The following FAM114A2 variants were observed in gnomAD, a reference collection of about 807,000 sequenced individuals.
FAM114A2 encodes the protein family with sequence similarity 114 member A2.
FAM114A2 carries 53 observed loss-of-function variants against 58.4 expected under a neutral mutation model. That is an observed-to-expected ratio of 0.91 (90% CI 0.73 to 1.14). The LOEUF (loss-of-function observed/expected upper bound fraction) is 1.14. Among genes scored for constraint, FAM114A2 ranks in the 50% most tolerant of loss-of-function variants. FAM114A2 has a pLI of 0.00. For missense variants in FAM114A2, 601 were observed against 581.1 expected, an observed-to-expected ratio of 1.03 and a Z score of -0.35; for synonymous variants, 228 against 211.4, an observed-to-expected ratio of 1.08 and a Z score of -0.68.
At chr5:154,028,854 G>A (rs371587830) in intron 5 of FAM114A2, among the ~76,000 whole-genome samples, 1 of 152,240 alleles carries the variant, frequency 6.6e-6, no homozygotes, top group Admixed American at 6.5e-5. Flanking sequence ...TGCAGGAGAG[G>A]GGGAGAGCAG....
At chr5:154,034,215 G>A in intron 3 of FAM114A2, 63 bp downstream of exon 3, 2 of 988,610 alleles carry the variant, frequency 2.0e-6, no homozygotes, top group Non-Finnish European at 1.5e-6. Context: ...CAAGTCATAT[G>A]CAATGCAGAT....
Position 154,034,282 on chromosome 5 carries a change from T to G in FAM114A2, c.306A>C (p.Thr102=). Residue 102 remains threonine, a synonymous_variant, in exon 3 of 14, where the codon ACA becomes ACC. Coordinates refer to ENST00000351797, the MANE Select transcript of FAM114A2 (RefSeq NM_018691.4). The part of the protein sequence containing the change: ...ILSSASATVA[T]VGQGISNVIE... The stretch of plus-strand genomic sequence containing the variant: ...CTAAATGACTGATGATCTTACCTAC[T>G]GTAGCTACTGTAGCCGAGGCTGAGG... 6.4e-7 allele frequency: 1 copy of G among 1,566,522 alleles called. No homozygotes were observed.
intron 11 of FAM114A2, among the ~76,000 whole-genome samples, chr5:153,998,715 T>C (rs1191518475): frequency 2.0e-5 from 3 of 152,218 alleles, no homozygotes; most frequent in Admixed American, 2.0e-4. Flanking sequence ...TCAGATATTC[T>C]GTTACAGTAA....
chr5:154,027,175 C>T lies in FAM114A2; in HGVS notation c.789+1G>A. 6.2e-7 allele frequency: 1 copy of T among 1,607,076 alleles called. No individual in the cohort carries two copies. Among genetic ancestry groups the T allele is most frequent in the Non-Finnish European group, 8.5e-7 (1 of 1,177,800 alleles). ...CAGTTGAGATTTTGGCTTGGAATTA[C>T]CTTTATTTCACTTTCTTGGGAAAGC... On this transcript the variant is annotated splice_donor_variant, in intron 7 of 13. Coordinates refer to ENST00000351797, the MANE Select transcript of FAM114A2 (RefSeq NM_018691.4). LOFTEE classifies it high-confidence loss of function.
intron 11 of FAM114A2, among the ~76,000 whole-genome samples, chr5:153,998,501 G>T (rs1769735177): frequency 6.6e-6 from 1 of 152,294 alleles, no homozygotes; most frequent in South Asian, 2.1e-4. Context: ...AGGTCCCAGA[G>T]AACACGTAGT....
intron 9 of FAM114A2, among the ~76,000 whole-genome samples, chr5:154,003,858 T>C (rs988341785): frequency 6.6e-6 from 1 of 152,246 alleles, no homozygotes; most frequent in African/African-American, 2.4e-5. Context: ...AGTATTTCAT[T>C]TTATATACAG....
chr5:154,030,518 A>G (rs1264491918), intron 4 of FAM114A2, among the ~76,000 whole-genome samples: 2 of 152,222 alleles, frequency 1.3e-5, no homozygotes, highest in Non-Finnish European at 2.9e-5. Flanking sequence ...GAAGAACAAC[A>G]AAGTAAACCT....
intron 9 of FAM114A2, among the ~76,000 whole-genome samples, chr5:154,010,690 C>A (rs1770632598): frequency 6.6e-6 from 1 of 152,296 alleles, no homozygotes; most frequent in East Asian, 1.9e-4. Context: ...CCTACCCACT[C>A]TGAGCTTTGA....
At chr5:153,993,722 AAC>A (rs558057628) in intron 13 of FAM114A2, among the ~76,000 whole-genome samples, 39 of 152,292 alleles carry the variant, frequency 2.6e-4, no homozygotes, top group African/African-American at 9.4e-4. Flanking sequence ...AAAGAATATC[AAC>A]AGAGAGCTCA....
intron 10 of FAM114A2, 22 bp from the exon 11 acceptor site, chr5:154,002,412 A>G (rs1770038956): frequency 6.2e-7 from 1 of 1,609,102 alleles, no homozygotes; most frequent in Non-Finnish European, 8.5e-7. Flanking sequence ...AACAAAACAA[A>G]GCATAGCAAA....
At chr5:153,995,213 A>T in intron 12 of FAM114A2, 1 of 385,826 alleles carries the variant, frequency 2.6e-6, no homozygotes, top group Non-Finnish European at 4.7e-6. Flanking sequence ...CTTTTTATTG[A>T]CTTTAAAAAG....
rs1483912395 is a variant in FAM114A2, at chr5:154,002,397, G to A, written c.1117-7C>T. The stretch of plus-strand genomic sequence containing the variant: ...TTGCAAACGCATGGATATCCTGGAT[G>A]GAAAAACAAAACAAAGCATAGCAAA... On this transcript the variant is annotated splice_polypyrimidine_tract_variant and splice_region_variant and intron_variant, in intron 10 of 13. Coordinates refer to ENST00000351797, the MANE Select transcript of FAM114A2 (RefSeq NM_018691.4). The A allele has an allele frequency of 1.2e-6, 2 of 1,612,276 alleles. No homozygotes were observed. The highest frequency in any genetic ancestry group is 1.3e-5 in the African/African-American group (1 of 74,898).
intron 8 of FAM114A2, among the ~76,000 whole-genome samples, chr5:154,013,543 G>A (rs975738868): frequency 2.6e-5 from 4 of 152,186 alleles, no homozygotes; most frequent in African/African-American, 9.7e-5. Flanking sequence ...GATCTCTGGT[G>A]AACAAGTAGG....
chr5:154,019,853 T>G (rs1771286973), intron 8 of FAM114A2, among the ~76,000 whole-genome samples: 1 of 152,198 alleles, frequency 6.6e-6, no homozygotes, highest in South Asian at 2.1e-4. Context: ...AACTGGATCT[T>G]CTCAGCACCA....
chr5:154,034,289 A>T lies in FAM114A2; in HGVS notation c.299T>A (p.Val100Glu). ...KSILSSASAT[V>E]ATVGQGISNV... ...ACTGATGATCTTACCTACTGTAGCT[A>T]CTGTAGCCGAGGCTGAGGAGAGTAT... Residue 100 changes from valine to glutamate, a missense_variant, in exon 3 of 14, where the codon GTA (valine) becomes GAA (glutamate). Coordinates refer to ENST00000351797, the MANE Select transcript of FAM114A2 (RefSeq NM_018691.4). 6.3e-7 allele frequency: 1 copy of T among 1,580,620 alleles called. No homozygotes were observed. Among genetic ancestry groups the T allele is most frequent in the Non-Finnish European group, 8.6e-7 (1 of 1,161,576 alleles).
At chr5:153,996,991 T>TAAAAAAAAAA (rs57110256) in intron 12 of FAM114A2, among the ~76,000 whole-genome samples, 1 of 121,300 alleles carries the variant, frequency 8.2e-6, no homozygotes, top group Non-Finnish European at 1.7e-5. Context: ...GAGCAAAACT[T>TAAAAAAAAAA]AAAAAAAAAA....
At chr5:154,000,449 C>T (rs1165387936) in intron 11 of FAM114A2, among the ~76,000 whole-genome samples, 1 of 121,990 alleles carries the variant, frequency 8.2e-6, no homozygotes, top group East Asian at 3.0e-4. Flanking sequence ...GCATATAACA[C>T]TCACATGTAC....
chr5:154,015,721 C>G (rs1770997115), intron 8 of FAM114A2, among the ~76,000 whole-genome samples: 1 of 152,084 alleles, frequency 6.6e-6, no homozygotes, highest in South Asian at 2.1e-4. Context: ...GGTTCTTTAA[C>G]ACCCCCAAAA....
At chr5:154,026,590 A>T in intron 7 of FAM114A2, 68 bp from the exon 8 acceptor site, 1 of 1,121,144 alleles carries the variant, frequency 8.9e-7, no homozygotes. Context: ...CAAATAGGGA[A>T]GAGACTATAA....
Sources: allele counts gnomAD v4.1 joint callset (sites outside exome capture counted in the v4.1 genomes callset), GRCh38; gene constraint gnomAD v4.1.1; transcripts MANE v1.5; gene names NCBI Gene and HGNC (gene_info 2026-07-23, HGNC 2026-07-21).